Variants in INSC observed in about 807,000 individuals in gnomAD.
INSC encodes INSC spindle orientation adaptor protein, also known as protein inscuteable homolog.
In INSC, 67 loss-of-function variants were observed where a neutral mutation model predicts 58.6. The observed-to-expected ratio is 1.14, with a 90% confidence interval of 0.94 to 1.40. The LOEUF is 1.40. Ranked by LOEUF, INSC falls within the 40% of genes most tolerant of loss-of-function variation. The pLI is 0.00. For missense variants in INSC, 714 were observed against 692.0 expected, an observed-to-expected ratio of 1.03 and a Z score of -0.36; for synonymous variants, 262 against 276.1, an observed-to-expected ratio of 0.95 and a Z score of 0.51.
chr11:15,135,547 T>A (rs1300968320), intron 1 of INSC, among the ~76,000 whole-genome samples: 1 of 152,240 alleles, frequency 6.6e-6, no homozygotes, highest in African/African-American at 2.4e-5. Context: ...TTTCTGTTAA[T>A]GAGCTGGTGA....
downstream of INSC, among the ~76,000 whole-genome samples, chr11:15,251,489 A>G (rs1852649093): frequency 6.6e-6 from 1 of 152,224 alleles, no homozygotes; most frequent in Non-Finnish European, 1.5e-5. Context: ...AATAGGCAAA[A>G]ATATTTTCAA....
Position 15,208,942 on chromosome 11 carries a change from G to A in INSC, c.819+7993G>A, listed in dbSNP as rs78784052. Among the ~76,000 whole-genome samples, 1,090 of 152,314 alleles carry A rather than the reference G, an allele frequency of 7.2e-3. 17 individuals are homozygous for A. Among genetic ancestry groups the A allele is most frequent in the African/African-American group, 0.026 (1,067 of 41,574 alleles). ...GGCCAGTGTGTGGGGCGGAGTGAGT[G>A]GGGGAGTAGGGGAGGTTTACAAATT... On this transcript the variant is annotated intron_variant, in intron 7 of 12. Transcript: ENST00000379556.
intron 10 of INSC, among the ~76,000 whole-genome samples, chr11:15,236,213 AG>A (rs1219167186): frequency 6.6e-6 from 1 of 152,092 alleles, no homozygotes; most frequent in Non-Finnish European, 1.5e-5. Flanking sequence ...ATGTATAAGA[AG>A]ATAGCAAATG....
chr11:15,159,176 G>A (rs999004180), intron 2 of INSC, among the ~76,000 whole-genome samples: 1 of 152,188 alleles, frequency 6.6e-6, no homozygotes, highest in Non-Finnish European at 1.5e-5. Flanking sequence ...ATCCTCCTTA[G>A]GAGCCTGAGG....
chr11:15,146,336 C>G (rs1224635380), intron 1 of INSC, among the ~76,000 whole-genome samples: 1 of 152,200 alleles, frequency 6.6e-6, no homozygotes, highest in Non-Finnish European at 1.5e-5. Context: ...ATCCCACATT[C>G]AGCAAGATTT....
intron 7 of INSC, among the ~76,000 whole-genome samples, chr11:15,202,925 C>T (rs1850650688): frequency 6.6e-6 from 1 of 152,194 alleles, no homozygotes; most frequent in South Asian, 2.1e-4. Flanking sequence ...CAGGCCCTAG[C>T]CTGAGATTCA....
chr11:15,263,972 T>C, the INSC span, among the ~76,000 whole-genome samples: 24 of 151,342 alleles, frequency 1.6e-4, 1 homozygote, highest in African/African-American at 5.8e-4. Flanking sequence ...TCCCTTTTGC[T>C]GTATCTCTAT....
chr11:15,213,977 A>C (rs189814215), intron 7 of INSC, among the ~76,000 whole-genome samples: 31 of 152,254 alleles, frequency 2.0e-4, no homozygotes, highest in African/African-American at 6.7e-4. Context: ...GGGAGCCTTT[A>C]ATTAACCTCT....
intron 1 of INSC, among the ~76,000 whole-genome samples, chr11:15,145,799 T>G (rs373694494): frequency 1.3e-4 from 20 of 152,252 alleles, no homozygotes; most frequent in African/African-American, 4.8e-4. Context: ...GCTGGAAGAT[T>G]TACAGTCAAG....
At chr11:15,188,375 C>T (rs1378076600) in intron 5 of INSC, 1 of 985,058 alleles carries the variant, frequency 1.0e-6, no homozygotes, top group Non-Finnish European at 1.2e-6. Flanking sequence ...ATTTCCTGAC[C>T]TTCAAAAATG....
chr11:15,200,252 G>A (rs1246206040), intron 6 of INSC, among the ~76,000 whole-genome samples: 3 of 151,630 alleles, frequency 2.0e-5, no homozygotes, highest in African/African-American at 7.3e-5. Flanking sequence ...TTACCCATCC[G>A]GACTTCAGTT....
intron 1 of INSC, among the ~76,000 whole-genome samples, chr11:15,137,309 T>C (rs1298827613): frequency 2.0e-5 from 3 of 152,202 alleles, no homozygotes; most frequent in African/African-American, 7.2e-5. Context: ...TAAATGAGCA[T>C]TGGCTTCAAC....
chr11:15,187,025 T>C lies in INSC; in HGVS notation c.580-3676T>C, dbSNP rs1849993920. On this transcript the variant is annotated intron_variant, in intron 5 of 12. Transcript: ENST00000379556. ...AGATGGCTTGAAGAGTGCTAGACAGTGGTATTCACTCACATGTATGGTGCC... is the reference window on the plus strand; with the variant it reads ...AGATGGCTTGAAGAGTGCTAGACAGCGGTATTCACTCACATGTATGGTGCC... Among the ~76,000 whole-genome samples, 2 of 152,144 alleles carry C rather than the reference T, an allele frequency of 1.3e-5. 1 individual carries two copies. The highest frequency in any genetic ancestry group is 3.8e-4 in the East Asian group (2 of 5,196).
chr11:15,164,653 G>T (rs1451102071), intron 2 of INSC, among the ~76,000 whole-genome samples: 2 of 152,020 alleles, frequency 1.3e-5, no homozygotes, highest in Non-Finnish European at 2.9e-5. Flanking sequence ...GGCTATTTTG[G>T]GTTCTCCTTT....
chr11:15,121,684 T>C (rs1243234693), intron 1 of INSC, among the ~76,000 whole-genome samples: 2 of 152,358 alleles, frequency 1.3e-5, no homozygotes, highest in East Asian at 3.9e-4. Flanking sequence ...TCGTTGATCA[T>C]TTTGAATCAA....
At chr11:15,114,728 G>A (rs1847649444), upstream of INSC, among the ~76,000 whole-genome samples, 1 of 152,184 alleles carries the variant, frequency 6.6e-6, no homozygotes, top group Non-Finnish European at 1.5e-5. Flanking sequence ...CAGGGGCACC[G>A]AAATAGCCTC....
intron 1 of INSC, among the ~76,000 whole-genome samples, chr11:15,126,246 CCTTT>C (rs10610826): frequency 0.012 from 1,880 of 152,256 alleles, 43 homozygotes; most frequent in African/African-American, 0.043. Flanking sequence ...ACCTGCTTGG[CCTTT>C]AGGCCAGCAG....
intron 2 of INSC, among the ~76,000 whole-genome samples, chr11:15,158,240 G>T (rs1487538458): frequency 6.6e-6 from 1 of 150,800 alleles, no homozygotes; most frequent in African/African-American, 2.4e-5. Flanking sequence ...AATGCTTTTC[G>T]TGGCTCCAAG....
At chr11:15,192,886 A>G (rs1195106563) in intron 6 of INSC, among the ~76,000 whole-genome samples, 1 of 152,188 alleles carries the variant, frequency 6.6e-6, no homozygotes, top group Non-Finnish European at 1.5e-5. Flanking sequence ...AGATTCATAT[A>G]TATTGGAAGA....
Sources: allele counts gnomAD v4.1 joint callset (sites outside exome capture counted in the v4.1 genomes callset), GRCh38; gene constraint gnomAD v4.1.1; transcripts MANE v1.5; gene names NCBI Gene and HGNC (gene_info 2026-07-23, HGNC 2026-07-21).